Variants in UBE2D3 observed in about 807,000 individuals in gnomAD.
The protein encoded by UBE2D3 is ubiquitin conjugating enzyme E2 D3, also known as ubiquitin-conjugating enzyme E2 D3.
Under a neutral mutation model 22.8 loss-of-function variants are expected in UBE2D3, and 2 were observed. That is an observed-to-expected ratio of 0.09 (90% CI 0.04 to 0.28). The LOEUF is 0.28. Ranked by LOEUF, UBE2D3 falls within the 10% of genes least tolerant of loss-of-function variation. The probability of loss-of-function intolerance (pLI) is 1.00; values close to 1 mark genes in which losing one functional copy is unlikely to be tolerated. For synonymous variants in UBE2D3, 56 were observed against 60.4 expected (o/e 0.93, Z 0.34); for missense variants, 27 against 182.5 (o/e 0.15, Z 4.91).
chr4:102,802,755 AT>A, intron 4 of UBE2D3, 117 bp from the exon 5 acceptor site: 1 of 640,526 alleles, frequency 1.6e-6, no homozygotes, highest in Non-Finnish European at 2.5e-6. Flanking sequence ...TTACACTGCA[AT>A]AAATAATCTA....
intron 1 of UBE2D3, among the ~76,000 whole-genome samples, chr4:102,851,970 G>A (rs113407468): frequency 0.011 from 1,605 of 152,140 alleles, 21 homozygotes; most frequent in African/African-American, 0.036. Flanking sequence ...GTGCCCGGCA[G>A]AACCCCCATA....
chr4:102,818,043 C>T (rs1233155784), intron 2 of UBE2D3, among the ~76,000 whole-genome samples: 1 of 152,242 alleles, frequency 6.6e-6, no homozygotes, highest in Non-Finnish European at 1.5e-5. Context: ...AGCTCTCACA[C>T]GGCACCTGTA....
intron 1 of UBE2D3, among the ~76,000 whole-genome samples, chr4:102,855,347 AAC>A: frequency 6.6e-6 from 1 of 152,348 alleles, no homozygotes; most frequent in Middle Eastern, 3.4e-3. Flanking sequence ...ATCACTATCA[AAC>A]ACAACAAATT....
At chr4:102,855,091 C>T (rs1436792112) in intron 1 of UBE2D3, among the ~76,000 whole-genome samples, 1 of 152,206 alleles carries the variant, frequency 6.6e-6, no homozygotes, top group Non-Finnish European at 1.5e-5. Context: ...TAAATTATAA[C>T]AGCCTTCTGC....
chr4:102,865,491 C>CAA (rs10604973), intron 1 of UBE2D3, among the ~76,000 whole-genome samples: 1,722 of 66,678 alleles, frequency 0.026, 25 homozygotes, highest in Middle Eastern at 0.048. Flanking sequence ...CTGTCTCAAC[C>CAA]AAAAAAAAAA....
intron 1 of UBE2D3, among the ~76,000 whole-genome samples, chr4:102,835,478 C>G (rs1370504254): frequency 6.6e-6 from 1 of 152,130 alleles, no homozygotes; most frequent in African/African-American, 2.4e-5. Flanking sequence ...TAGAGATAAA[C>G]ATATAAAGAC....
chr4:102,839,939 A>C (rs957735399), intron 1 of UBE2D3, among the ~76,000 whole-genome samples: 1 of 152,242 alleles, frequency 6.6e-6, no homozygotes, highest in African/African-American at 2.4e-5. Flanking sequence ...AAAGTAAAAC[A>C]AAAATAACCC....
chr4:102,817,523 T>C (rs1328958441), intron 2 of UBE2D3, among the ~76,000 whole-genome samples: 3 of 152,128 alleles, frequency 2.0e-5, no homozygotes, highest in Non-Finnish European at 4.4e-5. Context: ...TACTAACAAC[T>C]TAAAAATTTG....
chr4:102,803,006 C>T (rs1388705364), intron 4 of UBE2D3, among the ~76,000 whole-genome samples: 13 of 152,166 alleles, frequency 8.5e-5, no homozygotes, highest in Admixed American at 8.5e-4. Flanking sequence ...CTTCCAATAG[C>T]CAGATGTGTA....
At chr4:102,799,734 A>G (rs867928974) in intron 6 of UBE2D3, among the ~76,000 whole-genome samples, 17 of 151,656 alleles carry the variant, frequency 1.1e-4, no homozygotes, top group African/African-American at 3.9e-4. Flanking sequence ...CTAGCCATAA[A>G]AATAGTTTCT....
chr4:102,802,342 A>T (rs777437755), intron 5 of UBE2D3: 10 of 349,858 alleles, frequency 2.9e-5, no homozygotes, highest in Non-Finnish European at 5.1e-5. Flanking sequence ...ACATGGTCTG[A>T]ATCTTGCAAC....
At chr4:102,862,581 AT>A (rs1732951026) in intron 1 of UBE2D3, among the ~76,000 whole-genome samples, 1 of 152,166 alleles carries the variant, frequency 6.6e-6, no homozygotes, top group African/African-American at 2.4e-5. Flanking sequence ...CACATCCTCT[AT>A]TAGCTTTCTG....
At chr4:102,846,024 C>CA (rs1732024476) in intron 1 of UBE2D3, among the ~76,000 whole-genome samples, 2 of 152,164 alleles carry the variant, frequency 1.3e-5, no homozygotes, top group Admixed American at 6.5e-5. Context: ...CTCCTGGCCT[C>CA]AAGTGATCTG....
chr4:102,843,974 T>G (rs961929667), intron 1 of UBE2D3: 3 of 152,346 alleles, frequency 2.0e-5, no homozygotes, highest in African/African-American at 7.2e-5. Context: ...GGGGGACATT[T>G]CCAGATCAAT....
chr4:102,808,503 C>T (rs1467655548), intron 4 of UBE2D3, among the ~76,000 whole-genome samples: 1 of 152,106 alleles, frequency 6.6e-6, no homozygotes, highest in African/African-American at 2.4e-5. Context: ...AATATTTGCA[C>T]CCCTGCCATG....
chr4:102,850,666 A>G (rs916455157), intron 1 of UBE2D3, among the ~76,000 whole-genome samples: 5 of 152,154 alleles, frequency 3.3e-5, no homozygotes, highest in African/African-American at 1.2e-4. Flanking sequence ...TTTTACTTAT[A>G]TTTCTCTGTG....
At chr4:102,835,404 C>G (rs1393557410) in intron 1 of UBE2D3, among the ~76,000 whole-genome samples, 3 of 152,152 alleles carry the variant, frequency 2.0e-5, no homozygotes, top group African/African-American at 7.2e-5. Flanking sequence ...ATTTTGGTAT[C>G]TGAGAGTGGT....
chr4:102,796,477 ACAT>A lies in UBE2D3; in HGVS notation c.*935_*937del, dbSNP rs1351567813. The A allele has an allele frequency of 6.6e-6, 1 of 152,510 alleles. No individual in the cohort carries two copies. Among genetic ancestry groups the A allele is most frequent in the African/African-American group, 2.4e-5 (1 of 41,446 alleles). 9.4% of individuals were successfully genotyped at this position (152,510 alleles called of 1,614,324 possible). A position where few individuals can be genotyped will look rare whatever the true frequency, so the allele number is the denominator to read the frequency against. ...CAAAATATTCACTCTTTCGAACTTT[ACAT>A]CATCATTTGATGTCAAACAATGAAG... is the stretch of plus-strand genomic sequence containing the variant. On this transcript the variant is annotated 3_prime_UTR_variant, in exon 8 of 8. Coordinates refer to ENST00000453744, the MANE Select transcript of UBE2D3 (RefSeq NM_181891.3).
At chr4:102,810,070 C>T in intron 2 of UBE2D3, 1 of 494,782 alleles carries the variant, frequency 2.0e-6, no homozygotes, top group South Asian at 3.5e-5. Flanking sequence ...TATGCAAACA[C>T]ATTGATACAA....
Sources: gnomAD v4.1 joint callset for allele counts (sites outside exome capture counted in the v4.1 genomes callset) on GRCh38, gnomAD v4.1.1 for gene constraint, MANE v1.5 for transcripts, NCBI Gene and HGNC (gene_info 2026-07-23, HGNC 2026-07-21) for gene names.